CAMSAP3: variants seen among roughly 807,000 people sequenced by gnomAD.
CAMSAP3 encodes the protein calmodulin regulated spectrin associated protein family member 3.
Under a neutral mutation model 112.5 loss-of-function variants are expected in CAMSAP3, and 34 were observed. That is an observed-to-expected ratio of 0.30 (90% CI 0.23 to 0.40). The LOEUF is 0.40. CAMSAP3 is among the 10% of genes least tolerant of loss of function. The pLI is 1.00. For missense variants in CAMSAP3, 1,602 were observed against 1,770.3 expected (o/e 0.90, Z 1.71); for synonymous variants, 868 against 799.8 (o/e 1.09, Z -1.44).
rs2030753941 is a variant in CAMSAP3 at position 7,615,803 on chromosome 19, G to A, written c.3112+84G>A. On this transcript the variant is annotated intron_variant, in intron 13 of 16. Coordinates refer to ENST00000160298, the MANE Select transcript of CAMSAP3 (RefSeq NM_020902.2). This position sits in a 1 kb window ranked among gnomAD's most constrained non-coding sequence, Gnocchi z 6.5. ...GGCCCCCATGGGTAAGGGGGGAGGG[G>A]GAGGGAGATGTAAGCAGGGGTGCCG... 1.9e-6 allele frequency: 2 copies of A among 1,052,614 alleles called. No individual in the cohort carries two copies. Among genetic ancestry groups the A allele is most frequent in the South Asian group, 2.6e-5 (1 of 39,078 alleles). The allele number at this position is 1,052,614 out of a possible 1,614,324, so 65.2% of individuals were successfully genotyped here.
At position 7,615,098 on chromosome 19, in the gene CAMSAP3, G is replaced by A; in HGVS notation, c.2671-85G>A. 1 of 1,494,408 alleles carries A rather than the reference G, an allele frequency of 6.7e-7. No individual in the cohort carries two copies. The highest frequency in any genetic ancestry group is 9.1e-7 in the Non-Finnish European group (1 of 1,096,742). The allele number at this position is 1,494,408 out of a possible 1,614,324, so 92.6% of individuals were successfully genotyped here. Reference sequence around the variant, plus strand: ...GATGAAAACAAAAGCACAGGTGGGTGGCGGGCAGGCTGGGTGGAGGGAAGA... The same window carrying A: ...GATGAAAACAAAAGCACAGGTGGGTAGCGGGCAGGCTGGGTGGAGGGAAGA... On this transcript the variant is annotated intron_variant, in intron 11 of 16. Transcript: ENST00000160298. The surrounding 1 kb of genome is among the most constrained non-coding windows in gnomAD (Gnocchi z 6.5).
chr19:7,609,360 C>T (rs1454236941), intron 5 of CAMSAP3, among the ~76,000 whole-genome samples: 1 of 150,742 alleles, frequency 6.6e-6, no homozygotes, highest in Non-Finnish European at 1.5e-5. Context: ...TGGGGTCTTG[C>T]TATGTTGCCC....
At position 7,618,099 on chromosome 19, in the gene CAMSAP3, G is replaced by A; in HGVS notation, c.*42G>A. ...CACGGGCCGGGCCCTGTGTGCTGCG[G>A]CCGCCATCCCCTGGAGGACAGTCAG... On this transcript the variant is annotated 3_prime_UTR_variant, in exon 17 of 17. Transcript: ENST00000160298. 1 of 1,580,044 alleles carries A rather than the reference G, an allele frequency of 6.3e-7. No homozygotes were observed. Among genetic ancestry groups the A allele is most frequent in the Non-Finnish European group, 8.6e-7 (1 of 1,162,986 alleles).
chr19:7,612,550 C>G lies in CAMSAP3; in HGVS notation c.2057C>G (p.Pro686Arg). 1 of 1,536,062 alleles carries G rather than the reference C, an allele frequency of 6.5e-7. No individual in the cohort carries two copies. The highest frequency in any genetic ancestry group is 1.2e-5 in the South Asian group (1 of 84,020). The change falls in exon 11 of 17, where the codon CCA (proline) becomes CGA (arginine). Residue 686 changes from proline (P) to arginine (R), a missense_variant. Pro to Arg is a moderately radical substitution (Grantham distance 103). Transcript: ENST00000160298. ...CGGCCCAAGGCAGTGACCTTCTCGC[C>G]AGACCTGGGCCCGGTGCCCCACGAG... is the stretch of plus-strand genomic sequence containing the variant. ...TSRPKAVTFS[P>R]DLGPVPHEGL...
chr19:7,615,334 C>G lies in CAMSAP3; in HGVS notation c.2810+12C>G. ...GAGGAGGCCGCGAGGTGAGGCCGGG[C>G]CTGCCCGGGACGCCCGCTCCTTGGC... On this transcript the variant is annotated intron_variant, in intron 12 of 16. Transcript: ENST00000160298. This position sits in a 1 kb window ranked among gnomAD's most constrained non-coding sequence, Gnocchi z 6.5. 1 of 1,540,646 alleles carries G rather than the reference C, an allele frequency of 6.5e-7. No individual in the cohort carries two copies. Among genetic ancestry groups the G allele is most frequent in the East Asian group, 2.5e-5 (1 of 40,676 alleles).
At position 7,613,124 on chromosome 19, in the gene CAMSAP3, G is replaced by T. The variant is rs550077317; in HGVS notation, c.2631G>T (p.Ser877=). 2.0e-5 allele frequency: 31 copies of T among 1,544,132 alleles called. No homozygotes were observed. Among genetic ancestry groups the T allele is most frequent in the Non-Finnish European group, 2.7e-5 (31 of 1,144,626 alleles). Reference sequence around the variant, plus strand: ...ATTCCTTGGAGGAGGAGGCGTCTTCGGAGGGGGAGCCCCGGGTGGGGCTGG... The same window carrying T: ...ATTCCTTGGAGGAGGAGGCGTCTTCTGAGGGGGAGCCCCGGGTGGGGCTGG... ...AEDSLEEEAS[S]EGEPRVGLGF... The change falls in exon 11 of 17, where the codon TCG becomes TCT. Residue 877 remains serine, a synonymous_variant. Transcript: ENST00000160298.
At position 7,610,726 on chromosome 19, in the gene CAMSAP3, G is replaced by A. The variant is rs1301288342; in HGVS notation, c.927G>A (p.Glu309=). 6.2e-7 allele frequency: 1 copy of A among 1,614,052 alleles called. No individual in the cohort carries two copies. The highest frequency in any genetic ancestry group is 8.5e-7 in the Non-Finnish European group (1 of 1,180,024). The change falls in exon 7 of 17, where the codon GAG becomes GAA. Residue 309 remains glutamate, a synonymous_variant. Transcript: ENST00000160298. The surrounding 1 kb of genome is among the most constrained non-coding windows in gnomAD (Gnocchi z 4.9). ...LKVNLVVMLA[E]LFMCFEVLKP... is the part of the protein sequence containing the mutation. ...TCAACTTGGTGGTGATGCTGGCCGA[G>A]TTGTTCATGTGTTTTGAGGTGCTCA...
chr19:7,614,259 C>CAAAAAAAAAAAAAAAAAAAA (rs1173068955), intron 11 of CAMSAP3, among the ~76,000 whole-genome samples: 3 of 18,766 alleles, frequency 1.6e-4, no homozygotes, highest in Admixed American at 6.8e-4. Flanking sequence ...GACTCCATCT[C>CAAAAAAAAAAAAAAAAAAAA]AAAAAAAAAA....
chr19:7,606,148 C>CCAACCCCCCCCCCCCCCCCCA, intron 2 of CAMSAP3, 123 bp from the exon 3 acceptor site: 4 of 344,664 alleles, frequency 1.2e-5, no homozygotes, highest in Admixed American at 8.2e-5. Flanking sequence ...CCCGCCCCCT[C>CCAACCCCCCCCCCCCCCCCCA]AAGCCCCACC....
chr19:7,613,172 C>T lies in CAMSAP3; in HGVS notation c.2670+9C>T. 1.4e-6 allele frequency: 2 copies of T among 1,430,626 alleles called. No homozygotes were observed. Among genetic ancestry groups the T allele is most frequent in the Non-Finnish European group, 9.3e-7 (1 of 1,074,806 alleles). 88.6% of individuals were successfully genotyped at this position (1,430,626 alleles called of 1,614,324 possible). On this transcript the variant is annotated intron_variant, in intron 11 of 16. Transcript: ENST00000160298. ...TGGGGTTCTTCTACAAGGTGAGTCC[C>T]CGAGCAGGTGGCTGGAGGGTCCTGG...
intron 1 of CAMSAP3, among the ~76,000 whole-genome samples, chr19:7,602,599 C>T (rs2030015134): frequency 6.6e-6 from 1 of 152,020 alleles, no homozygotes; most frequent in Non-Finnish European, 1.5e-5. Context: ...GGTGATTTCT[C>T]ACTGCCTTGG....
chr19:7,613,138 G>A lies in CAMSAP3; in HGVS notation c.2645G>A (p.Arg882Gln), dbSNP rs1262366162. ...EEEASSEGEP[R>Q]VGLGFFYKDE... ...GAGGCGTCTTCGGAGGGGGAGCCCC[G>A]GGTGGGGCTGGGGTTCTTCTACAAG... The change falls in exon 11 of 17, where the codon CGG becomes CAG. Residue 882 changes from arginine to glutamine, a missense_variant. By Grantham distance (43) the Arg-to-Gln change is conservative. Around this residue, in one of 6 missense-constraint regions of CAMSAP3, gnomAD observed 1,100 missense variants for 1,135.7 expected, o/e 0.97. Transcript: ENST00000160298. The A allele has an allele frequency of 3.2e-6, 5 of 1,540,664 alleles. No individual in the cohort carries two copies. The highest frequency in any genetic ancestry group is 2.0e-5 in the Admixed American group (1 of 50,690).
At position 7,599,289 on chromosome 19, in the gene CAMSAP3, CCCACCCACCCCACTCATCCAT is replaced by C. The variant is rs776755765; in HGVS notation, c.148+3169_148+3189del. 8.7e-3 allele frequency among the ~76,000 whole-genome samples: 1,086 copies of C among 124,786 alleles called. 24 individuals are homozygous for C. Among genetic ancestry groups the C allele is most frequent in the Non-Finnish European group, 0.012 (709 of 58,718 alleles). 81.9% of individuals were successfully genotyped at this position (124,786 alleles called of 152,430 possible). On this transcript the variant is annotated intron_variant, in intron 1 of 16. Transcript: ENST00000160298. ...CCTACCCACTGCACTCATCCATCCA[CCCACCCACCCCACTCATCCAT>C]CCACCCACCCCACTCATCCATCCAC...
In CAMSAP3 at chr19:7,615,784, C is replaced by A; in HGVS notation, c.3112+65C>A. The A allele has an allele frequency of 2.5e-6, 2 of 814,592 alleles. No homozygotes were observed. The highest frequency in any genetic ancestry group is 3.0e-6 in the Non-Finnish European group (2 of 677,568). 50.5% of individuals were successfully genotyped at this position (814,592 alleles called of 1,614,324 possible). On this transcript the variant is annotated intron_variant, in intron 13 of 16. Coordinates refer to ENST00000160298, the MANE Select transcript of CAMSAP3 (RefSeq NM_020902.2). This position sits in a 1 kb window ranked among gnomAD's most constrained non-coding sequence, Gnocchi z 6.5. ...TCCGGGGCTCACTGGGTGAGGCCCC[C>A]ATGGGTAAGGGGGGAGGGGGAGGGA...
chr19:7,616,955 T>TTTG (rs2030840110), intron 14 of CAMSAP3, among the ~76,000 whole-genome samples: 1 of 139,706 alleles, frequency 7.2e-6, no homozygotes, highest in African/African-American at 2.6e-5. Context: ...TTTTTTTTTT[T>TTTG]TTTGTTTTTT....
chr19:7,617,863 G>A lies in CAMSAP3; in HGVS notation c.3556G>A (p.Ala1186Thr), dbSNP rs1333171852. Residue 1186 changes from alanine (A) to threonine (T), a missense_variant, in exon 17 of 17, where the codon GCA becomes ACA. Physicochemically the swap from Ala to Thr is moderately conservative, Grantham distance 58. Coordinates refer to ENST00000160298, the MANE Select transcript of CAMSAP3 (RefSeq NM_020902.2). This position sits in a 1 kb window ranked among gnomAD's most constrained non-coding sequence, Gnocchi z 7.5. ...GGAGACAGAGGAGCTGTCGCGGCTG[G>A]CAGGGTATGGGCCCCGGACCGTCAC... is the stretch of plus-strand genomic sequence containing the variant. Reference protein sequence around the residue: ...SGETEELSRLAGYGPRTVTPA... With the variant: ...SGETEELSRLTGYGPRTVTPA... The A allele has an allele frequency of 2.5e-6, 4 of 1,613,640 alleles. No homozygotes were observed. In the African/African-American group the frequency reaches 5.3e-5, roughly 22 times the overall value.
In CAMSAP3 at chr19:7,612,340, C is replaced by T; in HGVS notation, c.1847C>T (p.Ala616Val). ...GAGGAGAAACGCAGAGCCATCGAGG[C>T]TCAGAAGCGACGGATTGAGGCCATA... Reference protein sequence around the residue: ...RLEEKRRAIEAQKRRIEAIFA... With the variant: ...RLEEKRRAIEVQKRRIEAIFA... The change falls in exon 11 of 17, where the codon GCT (alanine) becomes GTT (valine). Residue 616 changes from alanine (A) to valine (V), a missense_variant. Physicochemically the swap from Ala to Val is moderately conservative, Grantham distance 64. This residue lies in a region of CAMSAP3 where 1,100 missense variants were observed against 1,135.7 expected (regional missense o/e 0.97). Transcript: ENST00000160298. 3 of 1,604,224 alleles carry T rather than the reference C, an allele frequency of 1.9e-6. No individual in the cohort carries two copies. Among genetic ancestry groups the T allele is most frequent in the South Asian group, 1.1e-5 (1 of 90,304 alleles).
chr19:7,596,270 G>T (rs931579225), intron 1 of CAMSAP3, 120 bp downstream of exon 1: 51 of 388,954 alleles, frequency 1.3e-4, no homozygotes, highest in African/African-American at 9.7e-4. Context: ...GCCGGCCGCC[G>T]GGGGTCCCCG....
rs1455422489 is a variant in CAMSAP3 at position 7,607,465 on chromosome 19, G to C, written c.622-661G>C. On this transcript the variant is annotated intron_variant, in intron 4 of 16. Transcript: ENST00000160298. The surrounding 1 kb of genome is among the most constrained non-coding windows in gnomAD (Gnocchi z 4.9). ...TAGTAGATAAACAAGGAGGAAGTGG[G>C]GGAGGTTTTGGGCTGGCTGGCGTCC... is the stretch of plus-strand genomic sequence containing the variant. Among the ~76,000 whole-genome samples the C allele has an allele frequency of 1.3e-5, 2 of 152,214 alleles. No homozygotes were observed. Among genetic ancestry groups the C allele is most frequent in the Admixed American group, 1.3e-4 (2 of 15,288 alleles).
Sources: gnomAD v4.1 joint callset for allele counts (sites outside exome capture counted in the v4.1 genomes callset) on GRCh38, gnomAD v4.1.1 for gene constraint, gnomAD v4.1.1 regional missense constraint, Gnocchi (gnomAD v3.1) non-coding constraint, MANE v1.5 for transcripts, NCBI Gene and HGNC (gene_info 2026-07-23, HGNC 2026-07-21) for gene names.